Variants in NHS observed in about 807,000 individuals in gnomAD.
The protein encoded by NHS is actin remodeling regulator NHS.
A neutral mutation model predicts 72.5 loss-of-function variants in NHS; 5 were observed. The observed-to-expected ratio is 0.07, with a 90% CI of 0.04 to 0.14. The LOEUF (loss-of-function observed/expected upper bound fraction) is 0.14, where lower values mean the gene tolerates loss of function less well. Ranked by LOEUF, NHS falls within the 10% of genes least tolerant of loss-of-function variation. The pLI is 1.00. For missense variants in NHS, 1,072 were observed against 1,355.7 expected, an observed-to-expected ratio of 0.79 and a Z score of 3.29; for synonymous variants, 464 against 547.7, an observed-to-expected ratio of 0.85 and a Z score of 2.13.
chrX:17,723,963 T>C (rs778750411), intron 5 of NHS, among the ~76,000 whole-genome samples: 2 of 111,329 alleles, frequency 1.8e-5, no homozygotes, highest in Non-Finnish European at 1.9e-5. Context: ...AATAGATCAG[T>C]AAATAGTAGT....
chrX:17,430,151 C>CCTT (rs111505631), intron 1 of NHS, among the ~76,000 whole-genome samples: 765 of 71,526 alleles, frequency 0.011, 15 homozygotes, highest in African/African-American at 0.04. Flanking sequence ...TGCCTTCCTT[C>CCTT]CTTCTTTCTC....
rs374208904 is a variant in NHS at position 17,396,367 on chromosome X, TATTCTA to T, written c.565+20052_565+20057del. Among the ~76,000 whole-genome samples, 292 of 111,729 alleles carry T rather than the reference TATTCTA, an allele frequency of 2.6e-3. 2 individuals are homozygous for T. Among genetic ancestry groups the T allele is most frequent in the African/African-American group, 8.9e-3 (273 of 30,829 alleles). ...TTTCCTTTCTTACCCTATTCTACTT[TATTCTA>T]ATTCTATTTCTTTTCTCTTCTCCTT... On this transcript the variant is annotated intron_variant, in intron 1 of 8. Coordinates refer to ENST00000676302, the MANE Select transcript of NHS (RefSeq NM_001291867.2).
At chrX:17,483,423 A>G (rs112119343) in intron 1 of NHS, among the ~76,000 whole-genome samples, 32 of 112,206 alleles carry the variant, frequency 2.9e-4, no homozygotes, top group African/African-American at 8.7e-4. Flanking sequence ...CCTATTGGTA[A>G]GAAACTCACA....
At chrX:17,731,627 G>C (rs889056023) in intron 8 of NHS, among the ~76,000 whole-genome samples, 1 of 110,974 alleles carries the variant, frequency 9.0e-6, no homozygotes, top group Non-Finnish European at 1.9e-5. Flanking sequence ...ATCATCTCTA[G>C]AACCTAATTT....
At chrX:17,630,558 A>G (rs778186603) in intron 1 of NHS, among the ~76,000 whole-genome samples, 1 of 109,957 alleles carries the variant, frequency 9.1e-6, no homozygotes, top group Middle Eastern at 4.6e-3. Flanking sequence ...CCCATCAACC[A>G]TCTCACCTCC....
At chrX:17,616,100 G>C (rs1360578077) in intron 1 of NHS, among the ~76,000 whole-genome samples, 2 of 112,467 alleles carry the variant, frequency 1.8e-5, no homozygotes, top group Non-Finnish European at 3.8e-5. Context: ...AACAGAGTGA[G>C]CGATATCCCT....
At chrX:17,525,941 GATGAAC>G (rs2065171647) in intron 1 of NHS, among the ~76,000 whole-genome samples, 1 of 111,544 alleles carries the variant, frequency 9.0e-6, no homozygotes, top group African/African-American at 3.3e-5. Flanking sequence ...AAAACTTACA[GATGAAC>G]CAATGCTAGT....
chrX:17,474,303 T>C (rs946546492), intron 1 of NHS, among the ~76,000 whole-genome samples: 57 of 112,499 alleles, frequency 5.1e-4, no homozygotes, highest in African/African-American at 1.7e-3. Flanking sequence ...TTAATATAAG[T>C]CTTTATATCC....
intron 1 of NHS, among the ~76,000 whole-genome samples, chrX:17,499,507 T>C (rs1335534517): frequency 2.7e-5 from 3 of 111,564 alleles, no homozygotes; most frequent in African/African-American, 9.8e-5. Context: ...CTTGAACTTA[T>C]CTTTGCTTCC....
chrX:17,591,778 A>G (rs908925253), intron 1 of NHS, among the ~76,000 whole-genome samples: 3 of 111,882 alleles, frequency 2.7e-5, no homozygotes, highest in Non-Finnish European at 5.6e-5. Context: ...ACTGAGACAG[A>G]GCTTGCTGAA....
At chrX:17,531,259 C>A (rs371597429) in intron 1 of NHS, among the ~76,000 whole-genome samples, 3 of 106,811 alleles carry the variant, frequency 2.8e-5, no homozygotes, top group African/African-American at 1.0e-4. Flanking sequence ...GCTTTCTCAT[C>A]CCCCTTCAGT....
intron 1 of NHS, among the ~76,000 whole-genome samples, chrX:17,670,706 A>T (rs2066039263): frequency 1.8e-5 from 2 of 112,316 alleles, no homozygotes; most frequent in Admixed American, 1.9e-4. Context: ...GTGACCCTAC[A>T]TGTGGTTTGG....
rs185196798 is a variant in NHS at position 17,628,873 on chromosome X, G to T, written c.566-58869G>T. On this transcript the variant is annotated intron_variant, in intron 1 of 8. Coordinates refer to ENST00000676302, the MANE Select transcript of NHS (RefSeq NM_001291867.2). ...AATTAACTGAAATAGCACATACAAA[G>T]AACTTAAAACCATGCCTGACACATA... 2.7e-5 allele frequency among the ~76,000 whole-genome samples: 3 copies of T among 113,060 alleles called. No individual in the cohort carries two copies. The Admixed American group carries it at 2.8e-4, about 10-fold the overall frequency.
At chrX:17,393,242 G>A (rs1169298289) in intron 1 of NHS, among the ~76,000 whole-genome samples, 1 of 111,825 alleles carries the variant, frequency 8.9e-6, no homozygotes, top group African/African-American at 3.3e-5. Context: ...TTTCAAGGCT[G>A]TGACAATGAC....
intron 1 of NHS, among the ~76,000 whole-genome samples, chrX:17,541,008 G>A (rs947589573): frequency 5.4e-4 from 60 of 111,735 alleles, no homozygotes; most frequent in African/African-American, 1.9e-3. Context: ...AGAGGCAGAG[G>A]TTTCAATGAG....
chrX:17,516,615 C>T (rs1238832428), intron 1 of NHS, among the ~76,000 whole-genome samples: 1 of 100,699 alleles, frequency 9.9e-6, no homozygotes, highest in Non-Finnish European at 2.0e-5. Context: ...ACGAAGAAAA[C>T]ACTGACCATC....
At chrX:17,550,524 C>T (rs888915699) in intron 1 of NHS, among the ~76,000 whole-genome samples, 1 of 111,792 alleles carries the variant, frequency 8.9e-6, no homozygotes, top group African/African-American at 3.3e-5. Context: ...GGGGCTGAGC[C>T]GCGCAGGTCT....
At chrX:17,696,069 G>A (rs1271420523) in intron 3 of NHS, among the ~76,000 whole-genome samples, 10 of 111,230 alleles carry the variant, frequency 9.0e-5, no homozygotes, top group South Asian at 3.8e-4. Context: ...CGAAACAAAC[G>A]TCACGAAATC....
intron 1 of NHS, among the ~76,000 whole-genome samples, chrX:17,545,817 C>T (rs1022843499): frequency 3.6e-5 from 4 of 112,004 alleles, no homozygotes; most frequent in African/African-American, 9.7e-5. Context: ...GAGGAGTGCA[C>T]AAGGTGCTGT....
Sources: gnomAD v4.1 joint callset for allele counts (sites outside exome capture counted in the v4.1 genomes callset) on GRCh38, gnomAD v4.1.1 for gene constraint, MANE v1.5 for transcripts, NCBI Gene and HGNC (gene_info 2026-07-23, HGNC 2026-07-21) for gene names.